Variants in LRP12 observed in about 807,000 individuals in gnomAD.
The protein encoded by LRP12 is LDL receptor related protein 12.
LRP12 carries 14 observed loss-of-function variants against 66.0 expected under a neutral mutation model. The observed-to-expected ratio is 0.21, with a 90% confidence interval of 0.14 to 0.33. The LOEUF (loss-of-function observed/expected upper bound fraction) is 0.33, where lower values mean the gene tolerates loss of function less well. LRP12 is among the 10% of genes least tolerant of loss of function. LRP12 has a pLI of 1.00. For synonymous variants in LRP12, 357 were observed against 359.1 expected, an observed-to-expected ratio of 0.99 and a Z score of 0.07; for missense variants, 889 against 1,053.4, an observed-to-expected ratio of 0.84 and a Z score of 2.16.
chr8:104,532,654 C>G (rs577230532), intron 1 of LRP12, among the ~76,000 whole-genome samples: 1 of 152,182 alleles, frequency 6.6e-6, no homozygotes, highest in South Asian at 2.1e-4. Context: ...GGGAAGGAAG[C>G]TAGTCAGAAA....
intron 1 of LRP12, among the ~76,000 whole-genome samples, chr8:104,583,470 A>G (rs1812286372): frequency 6.6e-6 from 1 of 152,182 alleles, no homozygotes. Context: ...CCCTTCATGA[A>G]AAAGTCTTCC....
At chr8:104,523,426 A>G (rs1811179611) in intron 2 of LRP12, among the ~76,000 whole-genome samples, 1 of 152,220 alleles carries the variant, frequency 6.6e-6, no homozygotes, top group Non-Finnish European at 1.5e-5. Context: ...TATAAAGATG[A>G]ATACTAAATC....
intron 3 of LRP12, among the ~76,000 whole-genome samples, chr8:104,503,413 T>C (rs954751186): frequency 2.0e-5 from 3 of 151,372 alleles, no homozygotes; most frequent in East Asian, 1.9e-4. Context: ...TATCTGTTCA[T>C]GTATACCCTA....
chr8:104,548,340 TATATAAATATATAA>T (rs1811656870), intron 1 of LRP12, among the ~76,000 whole-genome samples: 3 of 674 alleles, frequency 4.5e-3, no homozygotes, highest in African/African-American at 8.2e-3. Context: ...ATTATATAAA[TATATAAATATATAA>T]TATATATTAT....
chr8:104,511,905 CTT>C (rs534221934), intron 2 of LRP12, among the ~76,000 whole-genome samples: 2 of 144,094 alleles, frequency 1.4e-5, no homozygotes. Flanking sequence ...TTCTTTTTTT[CTT>C]TTTTTTTTTG....
intron 1 of LRP12, among the ~76,000 whole-genome samples, chr8:104,550,923 C>T (rs1811715857): frequency 1.3e-5 from 2 of 152,110 alleles, no homozygotes; most frequent in Non-Finnish European, 2.9e-5. Flanking sequence ...CTTTGCAATG[C>T]TACCAGAGAT....
chr8:104,533,525 G>T (rs1489947961), intron 1 of LRP12, among the ~76,000 whole-genome samples: 2 of 152,142 alleles, frequency 1.3e-5, no homozygotes, highest in Admixed American at 1.3e-4. Context: ...TGATCTATAT[G>T]CACATTAAAG....
chr8:104,535,577 G>A (rs989558236), intron 1 of LRP12, among the ~76,000 whole-genome samples: 1 of 151,890 alleles, frequency 6.6e-6, no homozygotes, highest in Non-Finnish European at 1.5e-5. Context: ...AGATTTGATA[G>A]GTATGTACCA....
At chr8:104,549,127 A>G (rs781389099) in intron 1 of LRP12, among the ~76,000 whole-genome samples, 5 of 151,984 alleles carry the variant, frequency 3.3e-5, no homozygotes, top group Admixed American at 6.6e-5. Flanking sequence ...ATATACATTC[A>G]AGTAATTCCT....
At chr8:104,525,943 A>T (rs1811230955) in intron 2 of LRP12, among the ~76,000 whole-genome samples, 1 of 152,230 alleles carries the variant, frequency 6.6e-6, no homozygotes, top group African/African-American at 2.4e-5. Flanking sequence ...CCACTGTCTC[A>T]GCCCAAAATC....
intron 1 of LRP12, among the ~76,000 whole-genome samples, chr8:104,534,328 C>T (rs1238339542): frequency 1.3e-5 from 2 of 151,800 alleles, no homozygotes; most frequent in African/African-American, 2.4e-5. Flanking sequence ...ACTGATGAGC[C>T]TAAGGGTATA....
chr8:104,532,619 A>C (rs1811341202), intron 1 of LRP12, among the ~76,000 whole-genome samples: 1 of 152,170 alleles, frequency 6.6e-6, no homozygotes, highest in South Asian at 2.1e-4. Context: ...CCGAACAGAC[A>C]AAGAATTCTC....
At chr8:104,532,794 C>T (rs1333233119) in intron 1 of LRP12, among the ~76,000 whole-genome samples, 1 of 152,034 alleles carries the variant, frequency 6.6e-6, no homozygotes, top group East Asian at 1.9e-4. Flanking sequence ...TATTGCACCC[C>T]CCACCCCAAT....
intron 2 of LRP12, among the ~76,000 whole-genome samples, chr8:104,513,766 A>G (rs1282424931): frequency 6.6e-6 from 1 of 152,140 alleles, no homozygotes; most frequent in African/African-American, 2.4e-5. Flanking sequence ...AGTCCTTGAT[A>G]CTGGTTTCAT....
chr8:104,508,368 A>G (rs1462840508), intron 3 of LRP12: 2 of 152,186 alleles, frequency 1.3e-5, no homozygotes, highest in Non-Finnish European at 2.9e-5. Context: ...AGAATCTTAA[A>G]CTTACAGCTA....
At chr8:104,496,563 ACT>A (rs1810730498) in intron 5 of LRP12, among the ~76,000 whole-genome samples, 1 of 151,978 alleles carries the variant, frequency 6.6e-6, no homozygotes, top group Non-Finnish European at 1.5e-5. Context: ...CTTCCTCCTA[ACT>A]GTAAACTGCT....
intron 1 of LRP12, among the ~76,000 whole-genome samples, chr8:104,573,657 CACTT>C (rs1588509883): frequency 6.6e-6 from 1 of 151,910 alleles, no homozygotes; most frequent in South Asian, 2.1e-4. Flanking sequence ...CATAAACAAT[CACTT>C]ACTTCTCTTT....
intron 1 of LRP12, among the ~76,000 whole-genome samples, chr8:104,576,390 G>A (rs1398383682): frequency 6.6e-6 from 1 of 151,808 alleles, no homozygotes; most frequent in East Asian, 1.9e-4. Context: ...CACCTACAAA[G>A]GGAAGTCCAT....
At chr8:104,576,097 A>G (rs952239592) in intron 1 of LRP12, among the ~76,000 whole-genome samples, 9 of 152,018 alleles carry the variant, frequency 5.9e-5, no homozygotes, top group African/African-American at 1.9e-4. Context: ...AACAAACAAA[A>G]CCTCTGAGAA....
Sources: allele counts gnomAD v4.1 joint callset (sites outside exome capture counted in the v4.1 genomes callset), GRCh38; gene constraint gnomAD v4.1.1; transcripts MANE v1.5; gene names NCBI Gene and HGNC (gene_info 2026-07-23, HGNC 2026-07-21).